The following SLC29A3 variants were observed in gnomAD, a reference collection of about 807,000 sequenced individuals.
SLC29A3 encodes the protein equilibrative nucleoside transporter 3.
SLC29A3 carries 18 observed loss-of-function variants against 25.4 expected under a neutral mutation model. The ratio of observed to expected loss-of-function variants is 0.71; its 90% CI spans 0.49 to 1.05. The LOEUF (loss-of-function observed/expected upper bound fraction) is 1.05. Ranked by LOEUF, SLC29A3 falls within the 50% of genes least tolerant of loss-of-function variation. The probability of loss-of-function intolerance (pLI) is 0.00; values close to 1 mark genes in which losing one functional copy is unlikely to be tolerated. For synonymous variants in SLC29A3, 258 were observed against 267.1 expected, an observed-to-expected ratio of 0.97 and a Z score of 0.33; for missense variants, 586 against 609.0, an observed-to-expected ratio of 0.96 and a Z score of 0.40.
At position 71,328,000 on chromosome 10, in the gene SLC29A3, G is replaced by C. The variant is rs560462977; in HGVS notation, c.300+4946G>C. ...TGGCCAAGAACAAAACAGTGAGCTG[G>C]ACAAGCCCTACTTCCTACCCCGGAG... On this transcript the variant is annotated intron_variant, in intron 2 of 5. Transcript: ENST00000373189. 6.6e-5 allele frequency among the ~76,000 whole-genome samples: 10 copies of C among 152,210 alleles called. No homozygotes were observed. The South Asian group carries it at 2.1e-3, about 32-fold the overall frequency.
chr10:71,323,515 A>G (rs1683933629), intron 2 of SLC29A3, among the ~76,000 whole-genome samples: 1 of 152,222 alleles, frequency 6.6e-6, no homozygotes, highest in African/African-American at 2.4e-5. Context: ...GCAAGAGGAG[A>G]AGGAGGAAAT....
rs7072838 is a variant in SLC29A3 at position 71,357,964 on chromosome 10, C to T, written c.773+1721C>T. Among the ~76,000 whole-genome samples the T allele has an allele frequency of 6.7e-3, 1,023 of 152,312 alleles. 10 individuals carry two copies. The highest frequency in any genetic ancestry group is 0.023 in the African/African-American group (975 of 41,566). On this transcript the variant is annotated intron_variant, in intron 5 of 5. Coordinates refer to ENST00000373189, the MANE Select transcript of SLC29A3 (RefSeq NM_018344.6). Reference sequence around the variant, plus strand: ...GATCTGCCCCTGATGCGGCCCTGTTCCACAGGAAGCTATTTTTTGCAGTGG... The same window carrying T: ...GATCTGCCCCTGATGCGGCCCTGTTTCACAGGAAGCTATTTTTTGCAGTGG...
At chr10:71,372,795 A>G (rs1554818708) in intron 3 of SLC29A3, among the ~76,000 whole-genome samples, 1 of 152,186 alleles carries the variant, frequency 6.6e-6, no homozygotes, top group Non-Finnish European at 1.5e-5. Context: ...TGCCAAGCTC[A>G]TCTTCTTCAC....
At chr10:71,333,740 T>C (rs1846176203) in intron 2 of SLC29A3, among the ~76,000 whole-genome samples, 1 of 152,154 alleles carries the variant, frequency 6.6e-6, no homozygotes, top group Admixed American at 6.5e-5. Flanking sequence ...ATGGCAGAAG[T>C]CAGGCTGCAG....
chr10:71,345,860 G>C (rs991494724), intron 3 of SLC29A3, among the ~76,000 whole-genome samples: 2 of 152,198 alleles, frequency 1.3e-5, no homozygotes, highest in African/African-American at 2.4e-5. Context: ...CAGCCGTGGT[G>C]GGGGGAGCCC....
At chr10:71,334,578 C>G (rs926136151) in intron 2 of SLC29A3, among the ~76,000 whole-genome samples, 9 of 152,228 alleles carry the variant, frequency 5.9e-5, no homozygotes, top group Non-Finnish European at 1.5e-5. Flanking sequence ...CTGAATCTCC[C>G]ATGTCTACAA....
chr10:71,329,102 C>G (rs1049020685), intron 2 of SLC29A3, among the ~76,000 whole-genome samples: 1 of 152,222 alleles, frequency 6.6e-6, no homozygotes, highest in Non-Finnish European at 1.5e-5. Flanking sequence ...TCTTTTTCCA[C>G]ATGACATCCT....
chr10:71,336,039 G>C (rs545593181), intron 2 of SLC29A3, among the ~76,000 whole-genome samples: 1 of 152,300 alleles, frequency 6.6e-6, no homozygotes, highest in East Asian at 1.9e-4. Context: ...TCTTGTGGCT[G>C]CCTTCACCAA....
At chr10:71,345,492 T>A (rs1846545381) in intron 3 of SLC29A3, among the ~76,000 whole-genome samples, 1 of 152,238 alleles carries the variant, frequency 6.6e-6, no homozygotes, top group South Asian at 2.1e-4. Context: ...GCTGTCACTT[T>A]TGCCACACTT....
At position 71,322,946 on chromosome 10, in the gene SLC29A3, T is replaced by C; in HGVS notation, c.192T>C (p.Ser64=). 2 of 1,614,204 alleles carry C rather than the reference T, an allele frequency of 1.2e-6. No homozygotes were observed. Among genetic ancestry groups the C allele is most frequent in the Non-Finnish European group, 1.7e-6 (2 of 1,180,046 alleles). ...TCTTCTTCAGCCTGGGCATTGGCAG[T>C]CTACTGCCATGGAACTTCTTTATCA... The part of the protein sequence containing the change: ...YIIFFSLGIG[S]LLPWNFFITA... Residue 64 remains serine (S), a synonymous_variant, in exon 2 of 6, where the codon AGT becomes AGC. Coordinates refer to ENST00000373189, the MANE Select transcript of SLC29A3 (RefSeq NM_018344.6).
At chr10:71,351,470 G>GC in intron 3 of SLC29A3, 92 bp from the exon 4 acceptor site, 1 of 1,116,386 alleles carries the variant, frequency 9.0e-7, no homozygotes, top group Non-Finnish European at 1.3e-6. Flanking sequence ...TAACTGCTAA[G>GC]CTCGCCTGCT....
At chr10:71,335,893 A>T (rs1055385725) in intron 2 of SLC29A3, among the ~76,000 whole-genome samples, 3 of 151,958 alleles carry the variant, frequency 2.0e-5, no homozygotes, top group African/African-American at 7.3e-5. Flanking sequence ...GAAACGAAGG[A>T]TGGAGCTCAG....
rs773183035 is a variant in SLC29A3, at chr10:71,322,865, C to T, written c.111C>T (p.Asp37=). ...AGGCACTGCTTGAGAAGCTGCTGGA[C>T]CGCCCGCCCCCTGGCCTGCAGAGGC... ...DQEALLEKLL[D]RPPPGLQRPE... is the part of the protein sequence containing the mutation. The change falls in exon 2 of 6, where the codon GAC becomes GAT. Residue 37 remains aspartate, a synonymous_variant. Coordinates refer to ENST00000373189, the MANE Select transcript of SLC29A3 (RefSeq NM_018344.6). 7.2e-5 allele frequency: 117 copies of T among 1,614,118 alleles called. No homozygotes were observed. The Middle Eastern group carries it at 1.2e-3, about 16-fold the overall frequency.
chr10:71,346,885 A>G (rs1455795629), intron 3 of SLC29A3, among the ~76,000 whole-genome samples: 1 of 152,192 alleles, frequency 6.6e-6, no homozygotes, highest in Non-Finnish European at 1.5e-5. Flanking sequence ...GGGGTGGTTA[A>G]GAAGGGCTGG....
At chr10:71,381,136 T>C (rs1381623540) in exon 5 of SLC29A3, 2 of 152,234 alleles carry the variant, frequency 1.3e-5, no homozygotes, top group African/African-American at 4.8e-5. Context: ...CATGTCATTA[T>C]ACATTTATCC....
intron 2 of SLC29A3, among the ~76,000 whole-genome samples, chr10:71,339,528 C>T (rs1451830720): frequency 5.3e-5 from 8 of 152,100 alleles, no homozygotes; most frequent in South Asian, 2.1e-4. Flanking sequence ...CTGCCATTAG[C>T]GCTCTGGGGG....
At chr10:71,359,734 G>A (rs1165991112) in intron 5 of SLC29A3, among the ~76,000 whole-genome samples, 1 of 152,176 alleles carries the variant, frequency 6.6e-6, no homozygotes, top group African/African-American at 2.4e-5. Context: ...GGCCCAGAGA[G>A]GGGTGTGCCT....
At chr10:71,345,270 T>C (rs975712974) in intron 3 of SLC29A3, among the ~76,000 whole-genome samples, 15 of 152,212 alleles carry the variant, frequency 9.9e-5, no homozygotes, top group Non-Finnish European at 2.9e-5. Flanking sequence ...ACTTCTCATG[T>C]TCTGGGGGTT....
chr10:71,329,944 G>T (rs1214201515), intron 2 of SLC29A3, among the ~76,000 whole-genome samples: 1 of 152,224 alleles, frequency 6.6e-6, no homozygotes, highest in Non-Finnish European at 1.5e-5. Context: ...GAGAATTAGG[G>T]CCACATCCTG....
Sources: allele counts gnomAD v4.1 joint callset (sites outside exome capture counted in the v4.1 genomes callset), GRCh38; gene constraint gnomAD v4.1.1; transcripts MANE v1.5; gene names NCBI Gene and HGNC (gene_info 2026-07-23, HGNC 2026-07-21).